The following ABHD17B variants were observed in gnomAD, a reference collection of about 807,000 sequenced individuals.
ABHD17B encodes alpha/beta hydrolase domain-containing protein 17B.
ABHD17B carries 9 observed loss-of-function variants against 26.2 expected under a neutral mutation model. The ratio of observed to expected loss-of-function variants is 0.34; its 90% CI spans 0.21 to 0.60. The LOEUF (loss-of-function observed/expected upper bound fraction) is 0.60, where lower values mean the gene tolerates loss of function less well. ABHD17B is among the 20% of genes least tolerant of loss of function. ABHD17B has a pLI of 0.80. For synonymous variants in ABHD17B, 127 were observed against 122.3 expected, an observed-to-expected ratio of 1.04 and a Z score of -0.25; for missense variants, 224 against 352.1, an observed-to-expected ratio of 0.64 and a Z score of 2.91.
chr9:71,904,425 T>C (rs917843308), intron 1 of ABHD17B, among the ~76,000 whole-genome samples: 2 of 152,236 alleles, frequency 1.3e-5, no homozygotes, highest in Non-Finnish European at 2.9e-5. Flanking sequence ...CAAAGAAGTT[T>C]GACCCTATAG....
chr9:71,890,397 A>G (rs1331107305), intron 1 of ABHD17B, among the ~76,000 whole-genome samples: 4 of 152,210 alleles, frequency 2.6e-5, no homozygotes, highest in Non-Finnish European at 5.9e-5. Flanking sequence ...TAGATATTAT[A>G]GCTGAACCTG....
chr9:71,888,623 T>A (rs1054729480), intron 1 of ABHD17B, among the ~76,000 whole-genome samples: 4 of 152,126 alleles, frequency 2.6e-5, no homozygotes, highest in Admixed American at 2.0e-4. Flanking sequence ...AATCTTTTTT[T>A]AAAAAGAGGT....
chr9:71,877,812 C>T (rs1826323427), intron 1 of ABHD17B, among the ~76,000 whole-genome samples: 1 of 152,112 alleles, frequency 6.6e-6, no homozygotes, highest in East Asian at 1.9e-4. Flanking sequence ...GGGATGAACA[C>T]CAAAGGAGAG....
chr9:71,864,199 A>G (rs199579486), downstream of ABHD17B, among the ~76,000 whole-genome samples: 6 of 147,064 alleles, frequency 4.1e-5, no homozygotes, highest in East Asian at 2.0e-4. Flanking sequence ...AGCCTCATGC[A>G]TAGGCCAAAC....
At chr9:71,901,403 C>G (rs1378859724) in intron 1 of ABHD17B, among the ~76,000 whole-genome samples, 4 of 152,134 alleles carry the variant, frequency 2.6e-5, no homozygotes, top group African/African-American at 7.2e-5. Flanking sequence ...TTTCAATCTT[C>G]AATTTATACA....
chr9:71,898,835 C>CA (rs954742517), intron 1 of ABHD17B, among the ~76,000 whole-genome samples: 1 of 151,942 alleles, frequency 6.6e-6, no homozygotes, highest in Non-Finnish European at 1.5e-5. Flanking sequence ...CTGTCTCTAC[C>CA]AAAAAAATTA....
chr9:71,899,049 G>T (rs1356564195), intron 1 of ABHD17B, among the ~76,000 whole-genome samples: 1 of 151,762 alleles, frequency 6.6e-6, no homozygotes, highest in Non-Finnish European at 1.5e-5. Flanking sequence ...GCTTGAACCC[G>T]GTAGGCAGAG....
intron 2 of ABHD17B, among the ~76,000 whole-genome samples, chr9:71,871,256 G>C (rs894924292): frequency 6.6e-6 from 1 of 152,158 alleles, no homozygotes; most frequent in African/African-American, 2.4e-5. Context: ...GAAAGAGCGA[G>C]GGAAACTGTC....
chr9:71,900,162 T>C (rs1032880124), intron 1 of ABHD17B, among the ~76,000 whole-genome samples: 2 of 152,206 alleles, frequency 1.3e-5, no homozygotes, highest in African/African-American at 4.8e-5. Context: ...TTTCTCACTA[T>C]GAGGAAATGA....
downstream of ABHD17B, among the ~76,000 whole-genome samples, chr9:71,863,051 T>C (rs1030756527): frequency 4.0e-5 from 6 of 151,810 alleles, no homozygotes; most frequent in African/African-American, 1.5e-4. Flanking sequence ...GATACAGAAC[T>C]GGTAAATTTG....
downstream of ABHD17B, among the ~76,000 whole-genome samples, chr9:71,864,861 A>T (rs1307176362): frequency 2.0e-5 from 3 of 152,188 alleles, no homozygotes; most frequent in Non-Finnish European, 4.4e-5. Context: ...TGCATGATTT[A>T]TACATTCAGT....
At position 71,892,348 on chromosome 9, in the gene ABHD17B, C is replaced by T. The variant is rs150238787; in HGVS notation, c.-3-17265G>A. Among the ~76,000 whole-genome samples the T allele has an allele frequency of 6.4e-3, 976 of 151,836 alleles. 5 individuals carry two copies. Among genetic ancestry groups the T allele is most frequent in the East Asian group, 0.014 (70 of 5,134 alleles). On this transcript the variant is annotated intron_variant, in intron 1 of 3. Coordinates refer to ENST00000333421, the MANE Select transcript of ABHD17B (RefSeq NM_001025780.3). ...GAGATCGAGACCATCCTGGCTAACACGGTGAAACCTCATCTCTACTAAAAA... is the reference window on the plus strand; with the variant it reads ...GAGATCGAGACCATCCTGGCTAACATGGTGAAACCTCATCTCTACTAAAAA...
At chr9:71,867,128 G>C (rs948382143) in intron 3 of ABHD17B, 122 bp from the exon 4 acceptor site, 2 of 1,261,538 alleles carry the variant, frequency 1.6e-6, no homozygotes, top group Non-Finnish European at 2.2e-6. Context: ...CAGAAGGTAA[G>C]AATGTCTCCT....
intron 1 of ABHD17B, among the ~76,000 whole-genome samples, chr9:71,900,716 G>T (rs1827111170): frequency 6.6e-6 from 1 of 151,076 alleles, no homozygotes; most frequent in Non-Finnish European, 1.5e-5. Flanking sequence ...GTGTCAAGTG[G>T]CTTTTGCTTA....
rs914239251 is a variant in ABHD17B, at chr9:71,889,664, A to C, written c.-3-14581T>G. ...TAATACTGTTATCTAGCGACATGGAAGTAAACACCAAAAGAATCATTCAAA... is the reference window on the plus strand; with the variant it reads ...TAATACTGTTATCTAGCGACATGGACGTAAACACCAAAAGAATCATTCAAA... On this transcript the variant is annotated intron_variant, in intron 1 of 3. Coordinates refer to ENST00000333421, the MANE Select transcript of ABHD17B (RefSeq NM_001025780.3). 5.3e-5 allele frequency among the ~76,000 whole-genome samples: 8 copies of C among 152,182 alleles called. 1 individual carries two copies. Among genetic ancestry groups the C allele is most frequent in the Admixed American group, 4.6e-4 (7 of 15,278 alleles).
chr9:71,871,436 CTTTTT>C (rs1258093372), intron 2 of ABHD17B, among the ~76,000 whole-genome samples: 4 of 152,156 alleles, frequency 2.6e-5, no homozygotes, highest in Non-Finnish European at 4.4e-5. Context: ...CTCAGAAAAG[CTTTTT>C]TCTTTACAAC....
rs375359351 is a variant in ABHD17B, at chr9:71,882,532, C to A, written c.-3-7449G>T. ...AAATTAGCTGGTGTGGTGGTGCATGCCTTTAATCCCAGCTACTTGGGAGGC... is the reference window on the plus strand; with the variant it reads ...AAATTAGCTGGTGTGGTGGTGCATGACTTTAATCCCAGCTACTTGGGAGGC... On this transcript the variant is annotated intron_variant, in intron 1 of 3. Coordinates refer to ENST00000333421, the MANE Select transcript of ABHD17B (RefSeq NM_001025780.3). Among the ~76,000 whole-genome samples the A allele has an allele frequency of 9.4e-4, 143 of 152,160 alleles. 1 individual carries two copies. The highest frequency in any genetic ancestry group is 2.7e-3 in the African/African-American group (113 of 41,522).
At chr9:71,897,609 T>C (rs1447323841) in intron 1 of ABHD17B, among the ~76,000 whole-genome samples, 1 of 152,218 alleles carries the variant, frequency 6.6e-6, no homozygotes, top group Non-Finnish European at 1.5e-5. Flanking sequence ...ATCAATCCCT[T>C]TTCCATATAC....
chr9:71,896,123 A>G (rs1826944767), intron 1 of ABHD17B, among the ~76,000 whole-genome samples: 1 of 152,196 alleles, frequency 6.6e-6, no homozygotes, highest in Admixed American at 6.5e-5. Flanking sequence ...ATCTGTGGTT[A>G]AGATGGATAT....
Sources: gnomAD v4.1 joint callset for allele counts (sites outside exome capture counted in the v4.1 genomes callset) on GRCh38, gnomAD v4.1.1 for gene constraint, MANE v1.5 for transcripts, NCBI Gene and HGNC (gene_info 2026-07-23, HGNC 2026-07-21) for gene names.